Variants in PCDH15 observed in about 807,000 individuals in gnomAD.
PCDH15 encodes protocadherin related 15, also known as protocadherin-15.
Under a neutral mutation model 178.5 loss-of-function variants are expected in PCDH15, and 129 were observed. That is an observed-to-expected ratio of 0.72 (90% CI 0.63 to 0.84). The LOEUF (loss-of-function observed/expected upper bound fraction) is 0.84, where lower values mean the gene tolerates loss of function less well. Among genes scored for constraint, PCDH15 ranks in the 40% least tolerant of loss-of-function variants. The pLI is 0.00. For missense variants in PCDH15, 2,230 were observed against 2,099.9 expected, an observed-to-expected ratio of 1.06 and a Z score of -1.21; for synonymous variants, 800 against 732.0, an observed-to-expected ratio of 1.09 and a Z score of -1.50.
intron 20 of PCDH15, among the ~76,000 whole-genome samples, chr10:54,007,059 T>A (rs1049368534): frequency 6.6e-6 from 1 of 152,244 alleles, no homozygotes; most frequent in African/African-American, 2.4e-5. Context: ...CTCCTTATAA[T>A]GCTGCTTAGT....
intron 8 of PCDH15, among the ~76,000 whole-genome samples, chr10:54,288,241 AC>A (rs2132919394): frequency 6.6e-6 from 1 of 152,152 alleles, no homozygotes; most frequent in East Asian, 1.9e-4. Context: ...AATCATTTGA[AC>A]CCAGGAGGGA....
intron 3 of PCDH15, among the ~76,000 whole-genome samples, chr10:54,812,596 C>G (rs1952882115): frequency 1.3e-5 from 2 of 152,004 alleles, no homozygotes; most frequent in African/African-American, 4.8e-5. Flanking sequence ...GTAGCTGGGA[C>G]TACAGGGTCC....
intron 2 of PCDH15, among the ~76,000 whole-genome samples, chr10:54,647,413 TGAAA>T (rs1297539403): frequency 6.6e-6 from 1 of 151,942 alleles, no homozygotes; most frequent in Non-Finnish European, 1.5e-5. Flanking sequence ...TATTTAGTTA[TGAAA>T]GATAAAAATT....
intron 16 of PCDH15, among the ~76,000 whole-genome samples, chr10:54,087,292 G>A (rs2094530162): frequency 6.6e-6 from 1 of 152,128 alleles, no homozygotes; most frequent in Non-Finnish European, 1.5e-5. Flanking sequence ...TCTATTAACA[G>A]TCACTCCCCA....
At chr10:54,039,888 A>C (rs2093502197) in intron 18 of PCDH15, among the ~76,000 whole-genome samples, 1 of 151,988 alleles carries the variant, frequency 6.6e-6, no homozygotes, top group Non-Finnish European at 1.5e-5. Context: ...TTACAAAATA[A>C]AGAGAAATGA....
chr10:54,240,892 A>G (rs1168117631), intron 8 of PCDH15, among the ~76,000 whole-genome samples: 1 of 151,998 alleles, frequency 6.6e-6, no homozygotes, highest in East Asian at 1.9e-4. Flanking sequence ...TGGCCTCCCA[A>G]AGTGCTGGGA....
intron 18 of PCDH15, among the ~76,000 whole-genome samples, chr10:54,024,561 C>T (rs1458091095): frequency 1.3e-5 from 2 of 152,028 alleles, no homozygotes; most frequent in African/African-American, 4.8e-5. Flanking sequence ...CAACAGTGCT[C>T]CTATATGTCA....
intron 1 of PCDH15, among the ~76,000 whole-genome samples, chr10:54,794,063 T>C (rs998861125): frequency 6.8e-6 from 1 of 148,024 alleles, no homozygotes; most frequent in Non-Finnish European, 1.5e-5. Flanking sequence ...TCTAAGAAAC[T>C]GCTTTGAGAT....
intron 1 of PCDH15, among the ~76,000 whole-genome samples, chr10:55,195,023 A>ATT (rs763738202): frequency 2.8e-4 from 40 of 140,532 alleles, no homozygotes; most frequent in East Asian, 1.7e-3. Context: ...GAAGAAGAAA[A>ATT]TTTTTTTTTT....
chr10:54,613,894 A>G (rs2093046769), intron 2 of PCDH15, among the ~76,000 whole-genome samples: 1 of 151,764 alleles, frequency 6.6e-6, no homozygotes, highest in Admixed American at 6.6e-5. Flanking sequence ...TGAGTATTTT[A>G]TAAATTAGTG....
chr10:55,565,472 C>G (rs1214642362), intron 2 of PCDH15, among the ~76,000 whole-genome samples: 2 of 151,296 alleles, frequency 1.3e-5, no homozygotes, highest in African/African-American at 4.8e-5. Flanking sequence ...GAAAAACAAA[C>G]TGAAGGCAAG....
intron 2 of PCDH15, among the ~76,000 whole-genome samples, chr10:54,981,098 A>G (rs1839222283): frequency 6.6e-6 from 1 of 152,206 alleles, no homozygotes; most frequent in African/African-American, 2.4e-5. Context: ...GAAGAAAAAT[A>G]TATCTACATT....
At chr10:53,815,809 T>A (rs1403589833) in intron 35 of PCDH15, among the ~76,000 whole-genome samples, 1 of 152,120 alleles carries the variant, frequency 6.6e-6, no homozygotes. Flanking sequence ...AATATATGTG[T>A]CCAAAAGAAG....
At chr10:54,259,090 T>C (rs2132252535) in intron 8 of PCDH15, among the ~76,000 whole-genome samples, 2 of 150,046 alleles carry the variant, frequency 1.3e-5, no homozygotes, top group East Asian at 3.9e-4. Context: ...GAGGAGATAG[T>C]GACCTAAATT....
rs573620475 is a variant in PCDH15, at chr10:55,506,764, T to C, written c.-156+120861A>G. Among the ~76,000 whole-genome samples the C allele has an allele frequency of 1.2e-3, 183 of 151,736 alleles. 2 individuals are homozygous for C. Among genetic ancestry groups the C allele is most frequent in the Non-Finnish European group, 2.1e-3 (143 of 67,698 alleles). ...CAGAATATAATATCTCACATACACT[T>C]TGATATTGTTTTAGAGCTATTTCTT... On this transcript the variant is annotated intron_variant, in intron 2 of 5. Transcript: ENST00000613346.
At chr10:54,172,843 C>T (rs1290320255) in intron 13 of PCDH15, among the ~76,000 whole-genome samples, 2 of 151,882 alleles carry the variant, frequency 1.3e-5, no homozygotes, top group African/African-American at 4.8e-5. Flanking sequence ...TTATTGAAAC[C>T]GGACCATGAA....
intron 2 of PCDH15, among the ~76,000 whole-genome samples, chr10:55,364,927 AT>A (rs1470477829): frequency 7.2e-5 from 11 of 152,184 alleles, no homozygotes; most frequent in African/African-American, 4.8e-5. Context: ...TCAATTATAA[AT>A]TTTTTGTCAA....
At chr10:55,080,338 G>C (rs889263527) in intron 2 of PCDH15, among the ~76,000 whole-genome samples, 2 of 152,152 alleles carry the variant, frequency 1.3e-5, no homozygotes, top group South Asian at 4.1e-4. Flanking sequence ...AACTGTGCAT[G>C]TGAGGGATGT....
chr10:53,970,788 C>T (rs1356287594), intron 21 of PCDH15, among the ~76,000 whole-genome samples: 1 of 151,992 alleles, frequency 6.6e-6, no homozygotes, highest in Non-Finnish European at 1.5e-5. Context: ...GAAATTGAGG[C>T]AATAATTAAT....
Sources: gnomAD v4.1 joint callset for allele counts (sites outside exome capture counted in the v4.1 genomes callset) on GRCh38, gnomAD v4.1.1 for gene constraint, MANE v1.5 for transcripts, NCBI Gene and HGNC (gene_info 2026-07-23, HGNC 2026-07-21) for gene names.